The following UBP1 variants were observed in gnomAD, a reference collection of about 807,000 sequenced individuals.
UBP1 encodes the protein upstream binding protein 1, also known as upstream-binding protein 1.
In UBP1, 22 loss-of-function variants were observed where a neutral mutation model predicts 76.1. The observed-to-expected ratio is 0.29, with a 90% CI of 0.21 to 0.41. The LOEUF (loss-of-function observed/expected upper bound fraction) is 0.41, where lower values mean the gene tolerates loss of function less well. Among genes scored for constraint, UBP1 ranks in the 10% least tolerant of loss-of-function variants. The pLI, the probability that UBP1 is intolerant of heterozygous loss-of-function variation, is 1.00. For synonymous variants in UBP1, 224 were observed against 237.1 expected, an observed-to-expected ratio of 0.94 and a Z score of 0.51; for missense variants, 436 against 668.1, an observed-to-expected ratio of 0.65 and a Z score of 3.83.
intron 2 of UBP1, among the ~76,000 whole-genome samples, chr3:33,419,342 A>C (rs1193511151): frequency 6.6e-6 from 1 of 152,094 alleles, no homozygotes. Context: ...TAAAAATACA[A>C]AATTAGGCTG....
chr3:33,425,510 T>A (rs2044995641), intron 2 of UBP1, 80 bp downstream of exon 2: 2 of 1,325,038 alleles, frequency 1.5e-6, no homozygotes, highest in South Asian at 4.1e-5. Flanking sequence ...TTATTACCAA[T>A]AATCTAGGCT....
In UBP1 at chr3:33,389,411, T is replaced by G. The variant is rs1301210305; in HGVS notation, c.*920A>C. 1 of 147,636 alleles carries G rather than the reference T, an allele frequency of 6.8e-6. No homozygotes were observed. The highest frequency in any genetic ancestry group is 1.5e-5 in the Non-Finnish European group (1 of 67,538). 9.1% of individuals were successfully genotyped at this position (147,636 alleles called of 1,614,324 possible). On this transcript the variant is annotated 3_prime_UTR_variant, in exon 16 of 16. Coordinates refer to ENST00000283629, the MANE Select transcript of UBP1 (RefSeq NM_014517.5). Reference sequence around the variant, plus strand: ...CAACAATAATACTTTCTCCCCCTACTTGGGTCACCTATTTCCAATGTCTGG... The same window carrying G: ...CAACAATAATACTTTCTCCCCCTACGTGGGTCACCTATTTCCAATGTCTGG...
intron 3 of UBP1, 83 bp downstream of exon 3, chr3:33,416,675 T>G (rs2044736864): frequency 9.3e-7 from 1 of 1,072,754 alleles, no homozygotes; most frequent in Non-Finnish European, 1.3e-6. Flanking sequence ...CAACAATTAT[T>G]GAAGTGAAAT....
intron 7 of UBP1, 102 bp downstream of exon 7, chr3:33,409,134 C>A: frequency 9.0e-7 from 1 of 1,114,332 alleles, no homozygotes. Flanking sequence ...GTCAAACTGC[C>A]ACCCAATCTT....
intron 1 of UBP1, among the ~76,000 whole-genome samples, chr3:33,427,989 G>A (rs1445016363): frequency 2.6e-5 from 4 of 152,020 alleles, no homozygotes; most frequent in Non-Finnish European, 4.4e-5. Context: ...TCAGGAGTTC[G>A]AGACATGGCG....
At chr3:33,411,533 A>G (rs779955536) in intron 5 of UBP1, 48 bp downstream of exon 5, 1 of 1,502,704 alleles carries the variant, frequency 6.7e-7, no homozygotes, top group Non-Finnish European at 9.3e-7. Context: ...TCCTACCATG[A>G]CCTAAATAAC....
intron 1 of UBP1, among the ~76,000 whole-genome samples, chr3:33,434,050 C>T (rs1349618238): frequency 6.6e-6 from 1 of 152,094 alleles, no homozygotes; most frequent in Non-Finnish European, 1.5e-5. Context: ...CAACAAATGC[C>T]ACTATGATGA....
chr3:33,439,246 C>T (rs2045248685), intron 1 of UBP1, among the ~76,000 whole-genome samples: 1 of 152,234 alleles, frequency 6.6e-6, no homozygotes, highest in Admixed American at 6.5e-5. Flanking sequence ...CCCACCGCTG[C>T]TCTTTCAATT....
At chr3:33,419,077 GTATT>G (rs2044813849) in intron 2 of UBP1, among the ~76,000 whole-genome samples, 1 of 152,126 alleles carries the variant, frequency 6.6e-6, no homozygotes, top group Admixed American at 6.5e-5. Flanking sequence ...GTTTTCTGCT[GTATT>G]AGATGTAAAG....
intron 3 of UBP1, among the ~76,000 whole-genome samples, chr3:33,416,340 CCT>C (rs1358612451): frequency 6.6e-6 from 1 of 152,114 alleles, no homozygotes; most frequent in African/African-American, 2.4e-5. Flanking sequence ...GCCTCCTATA[CCT>C]AGGATGACTG....
chr3:33,399,680 T>G (rs2044147384), intron 11 of UBP1, among the ~76,000 whole-genome samples: 1 of 152,216 alleles, frequency 6.6e-6, no homozygotes, highest in Admixed American at 6.5e-5. Flanking sequence ...TCCGAAGGGG[T>G]AGCAGGAGGG....
intron 14 of UBP1, 92 bp downstream of exon 14, chr3:33,393,220 A>G (rs1362208163): frequency 3.8e-6 from 5 of 1,306,200 alleles, no homozygotes; most frequent in Non-Finnish European, 3.1e-6. Flanking sequence ...AAGTATTTTC[A>G]AAAGAGGTCA....
At chr3:33,391,020 GTCT>G (rs1357064929) in intron 15 of UBP1, 1 of 152,252 alleles carries the variant, frequency 6.6e-6, no homozygotes, top group Non-Finnish European at 1.5e-5. Flanking sequence ...TATAGTATAT[GTCT>G]TCTTTTTCAG....
chr3:33,392,467 A>C, intron 15 of UBP1, 96 bp downstream of exon 15: 1 of 1,035,510 alleles, frequency 9.7e-7, no homozygotes, highest in East Asian at 2.6e-5. Context: ...TGAGTAAAGC[A>C]ATCATTTTAA....
Position 33,409,223 on chromosome 3 carries a change from T to G in UBP1, c.819+13A>C. 1.2e-6 allele frequency: 2 copies of G among 1,612,010 alleles called. No individual in the cohort carries two copies. The highest frequency in any genetic ancestry group is 1.7e-6 in the Non-Finnish European group (2 of 1,178,846). ...TTGCTTCTCTTCCAAAACCAAATGC[T>G]TTACTACATTACCTCTGTGAGGATT... On this transcript the variant is annotated intron_variant, in intron 7 of 15. Transcript: ENST00000283629.
intron 1 of UBP1, 150 bp downstream of exon 1, chr3:33,439,586 T>A: frequency 1.2e-6 from 1 of 816,866 alleles, no homozygotes; most frequent in Non-Finnish European, 1.9e-6. Context: ...TGGGGTTCCA[T>A]GGCCCCCGAC....
chr3:33,404,037 G>A (rs576480467), intron 8 of UBP1, among the ~76,000 whole-genome samples: 1 of 152,316 alleles, frequency 6.6e-6, no homozygotes, highest in Non-Finnish European at 1.5e-5. Flanking sequence ...GATAGCCCAG[G>A]ATAGCTTGAG....
chr3:33,421,294 T>C (rs538761663), intron 2 of UBP1, among the ~76,000 whole-genome samples: 3 of 140,850 alleles, frequency 2.1e-5, no homozygotes, highest in African/African-American at 7.8e-5. Flanking sequence ...TTGCTTTTTT[T>C]CTTGCAGGGG....
chr3:33,425,757 T>C lies in UBP1; in HGVS notation c.114-16A>G, dbSNP rs1265276550. 1 of 1,565,858 alleles carries C rather than the reference T, an allele frequency of 6.4e-7. No individual in the cohort carries two copies. Among genetic ancestry groups the C allele is most frequent in the African/African-American group, 1.3e-5 (1 of 74,240 alleles). ...CAAGACATCACTGAAAAGCAAAAAA[T>C]CAACACTGACCTTACTTTGGGTTTG... On this transcript the variant is annotated splice_polypyrimidine_tract_variant and intron_variant, in intron 1 of 15. Coordinates refer to ENST00000283629, the MANE Select transcript of UBP1 (RefSeq NM_014517.5).
Sources: allele counts gnomAD v4.1 joint callset (sites outside exome capture counted in the v4.1 genomes callset), GRCh38; gene constraint gnomAD v4.1.1; transcripts MANE v1.5; gene names NCBI Gene and HGNC (gene_info 2026-07-23, HGNC 2026-07-21).